The following CELSR1 variants were observed in gnomAD, a reference collection of about 807,000 sequenced individuals.
CELSR1 encodes cadherin EGF LAG seven-pass G-type receptor 1.
Under a neutral mutation model 249.1 loss-of-function variants are expected in CELSR1, and 110 were observed. The ratio of observed to expected loss-of-function variants is 0.44; its 90% CI spans 0.38 to 0.52. CELSR1 has a LOEUF of 0.52. Ranked by LOEUF, CELSR1 falls within the 20% of genes least tolerant of loss-of-function variation. CELSR1 has a pLI of 0.00. For missense variants in CELSR1, 4,109 were observed against 4,296.4 expected (o/e 0.96, Z 1.22); for synonymous variants, 2,113 against 1,900.0 (o/e 1.11, Z -2.92).
intron 1 of CELSR1, among the ~76,000 whole-genome samples, chr22:46,470,900 G>A (rs538523576): frequency 7.2e-5 from 11 of 152,122 alleles, no homozygotes; most frequent in Non-Finnish European, 1.5e-4. Context: ...CGAGGTGGGC[G>A]GATCACCAGA....
chr22:46,387,354 T>C (rs1389503320), intron 18 of CELSR1, among the ~76,000 whole-genome samples: 2 of 152,072 alleles, frequency 1.3e-5, no homozygotes, highest in Admixed American at 1.3e-4. Flanking sequence ...TGAATTCAAA[T>C]AGATAAGGAA....
chr22:46,427,120 C>T lies in CELSR1; in HGVS notation c.4611+6273G>A, dbSNP rs2147405846. ...GCATGTATATATGTACACACACACA[C>T]ACCTACACAGACGTCTATGTCCTAG... On this transcript the variant is annotated intron_variant, in intron 5 of 34. Coordinates refer to ENST00000674500, the MANE Select transcript of CELSR1 (RefSeq NM_001378328.1). The surrounding 1 kb of genome is among the most constrained non-coding windows in gnomAD (Gnocchi z 4.2). Among the ~76,000 whole-genome samples the T allele has an allele frequency of 6.6e-6, 1 of 152,276 alleles. No individual in the cohort carries two copies. The highest frequency in any genetic ancestry group is 1.9e-4 in the East Asian group (1 of 5,184).
chr22:46,448,419 G>T lies in CELSR1; in HGVS notation c.4184-9008C>A. The T allele has an allele frequency of 3.3e-6, 1 of 301,000 alleles. No homozygotes were observed. The highest frequency in any genetic ancestry group is 6.5e-6 in the Non-Finnish European group (1 of 154,250). 18.6% of individuals were successfully genotyped at this position (301,000 alleles called of 1,614,324 possible). ...CAGGGTCTCAGGGCTCACCTAGAGAGGGGGCACAGCAGGCAGAGAACCTCA... is the reference window on the plus strand; with the variant it reads ...CAGGGTCTCAGGGCTCACCTAGAGATGGGGCACAGCAGGCAGAGAACCTCA... On this transcript the variant is annotated intron_variant, in intron 2 of 34. Coordinates refer to ENST00000674500, the MANE Select transcript of CELSR1 (RefSeq NM_001378328.1). The surrounding 1 kb of genome is among the most constrained non-coding windows in gnomAD (Gnocchi z 5.7).
Position 46,448,098 on chromosome 22 carries a change from G to A in CELSR1, c.4184-8687C>T, listed in dbSNP as rs1176508365. On this transcript the variant is annotated intron_variant, in intron 2 of 34. Transcript: ENST00000674500. The surrounding 1 kb of genome is among the most constrained non-coding windows in gnomAD (Gnocchi z 5.7). ...AAAGCCATCAACCCTTGGCCTAAGG[G>A]GCTTCCAGAAAAGCCCTGGCTTCAC... 2.0e-5 allele frequency among the ~76,000 whole-genome samples: 3 copies of A among 152,206 alleles called. No homozygotes were observed. Among genetic ancestry groups the A allele is most frequent in the African/African-American group, 7.2e-5 (3 of 41,456 alleles).
At position 46,433,001 on chromosome 22, in the gene CELSR1, G is replaced by T. The variant is rs1274531452; in HGVS notation, c.4611+392C>A. On this transcript the variant is annotated intron_variant, in intron 5 of 34. Coordinates refer to ENST00000674500, the MANE Select transcript of CELSR1 (RefSeq NM_001378328.1). The surrounding 1 kb of genome is among the most constrained non-coding windows in gnomAD (Gnocchi z 5.7). ...AAAATTCAGAGCACAAATGTCTCAA[G>T]ACAGAAAATCTACCAGGGCACCTTT... 6.6e-6 allele frequency among the ~76,000 whole-genome samples: 1 copy of T among 151,634 alleles called. No homozygotes were observed. The highest frequency in any genetic ancestry group is 2.4e-5 in the African/African-American group (1 of 41,320).
rs375163957 is a variant in CELSR1, at chr22:46,477,946, C to T, written c.3545-13601G>A. ...TGCCAGCCCCCGGGAGGATGCTGGG[C>T]AGCACCCCTGGCCTCCACCCACTGG... is the stretch of plus-strand genomic sequence containing the variant. On this transcript the variant is annotated intron_variant, in intron 1 of 34. Transcript: ENST00000674500. Among the ~76,000 whole-genome samples the T allele has an allele frequency of 8.2e-4, 125 of 152,306 alleles. 1 individual carries two copies. The Middle Eastern group carries it at 0.01, about 12-fold the overall frequency.
chr22:46,465,612 G>A (rs1188371764), intron 1 of CELSR1, among the ~76,000 whole-genome samples: 1 of 152,236 alleles, frequency 6.6e-6, no homozygotes. Flanking sequence ...AGAGGAAACG[G>A]AACAAGAGCA....
rs2080821845 is a variant in CELSR1, at chr22:46,534,053, C to T, written c.3118G>A (p.Glu1040Lys). The T allele has an allele frequency of 1.2e-6, 2 of 1,613,668 alleles. No individual in the cohort carries two copies. The highest frequency in any genetic ancestry group is 2.7e-5 in the African/African-American group (2 of 74,950). The change falls in exon 1 of 35, where the codon GAA becomes AAA. Residue 1040 changes from glutamate (E) to lysine (K), a missense_variant. By Grantham distance (56) the Glu-to-Lys change is moderately conservative. This residue lies in a region of CELSR1 where 886 missense variants were observed against 896.5 expected (regional missense o/e 0.99). Coordinates refer to ENST00000674500, the MANE Select transcript of CELSR1 (RefSeq NM_001378328.1). The surrounding 1 kb of genome is among the most constrained non-coding windows in gnomAD (Gnocchi z 9.7). ...TGGAAGAAATGCCGCATGTCCCCTT[C>T]CACAATCTGATACATGATCTGGGCA... is the stretch of plus-strand genomic sequence containing the variant. ...PNAQIMYQIV[E>K]GDMRHFFQLD... is the part of the protein sequence containing the mutation.
At chr22:46,459,862 G>A (rs1028283998) in intron 2 of CELSR1, among the ~76,000 whole-genome samples, 2 of 152,100 alleles carry the variant, frequency 1.3e-5, no homozygotes, top group South Asian at 2.1e-4. Flanking sequence ...GAGAAAATAC[G>A]TGTAGAATCA....
At position 46,527,213 on chromosome 22, in the gene CELSR1, G is replaced by A. The variant is rs1023087458; in HGVS notation, c.3544+6414C>T. ...CCTGGGAGGGTTCCCGGCACATGGAGCACATCGGCTGAGATGTGTCTGACC... is the reference window on the plus strand; with the variant it reads ...CCTGGGAGGGTTCCCGGCACATGGAACACATCGGCTGAGATGTGTCTGACC... On this transcript the variant is annotated intron_variant, in intron 1 of 34. Transcript: ENST00000674500. This position sits in a 1 kb window ranked among gnomAD's most constrained non-coding sequence, Gnocchi z 5.5. Among the ~76,000 whole-genome samples the A allele has an allele frequency of 6.6e-6, 1 of 152,164 alleles. No homozygotes were observed. The highest frequency in any genetic ancestry group is 1.9e-4 in the East Asian group (1 of 5,184).
chr22:46,398,773 C>T lies in CELSR1; in HGVS notation c.5413-136G>A, dbSNP rs1209936073. 5 of 639,264 alleles carry T rather than the reference C, an allele frequency of 7.8e-6. No homozygotes were observed. The highest frequency in any genetic ancestry group is 1.9e-5 in the African/African-American group (1 of 53,474). 39.6% of individuals were successfully genotyped at this position (639,264 alleles called of 1,614,324 possible). On this transcript the variant is annotated intron_variant, in intron 10 of 34. Transcript: ENST00000674500. This position sits in a 1 kb window ranked among gnomAD's most constrained non-coding sequence, Gnocchi z 7.2. ...GCAGAGCCTGAGGACATCTGGGCCT[C>T]CAAAGAGAGAGCTGGGCCCAGCTGG...
At chr22:46,388,673 A>G (rs1602062474) in intron 18 of CELSR1, among the ~76,000 whole-genome samples, 2 of 152,232 alleles carry the variant, frequency 1.3e-5, no homozygotes, top group Admixed American at 6.5e-5. Context: ...CAGAGCCACA[A>G]CGAAACTTCT....
At chr22:46,373,564 C>T (rs1414168737) in intron 24 of CELSR1, among the ~76,000 whole-genome samples, 4 of 150,804 alleles carry the variant, frequency 2.7e-5, no homozygotes, top group South Asian at 2.1e-4. Flanking sequence ...CTGCCCCAGC[C>T]AGTGCTCCCA....
At chr22:46,521,877 G>A (rs139795777) in intron 1 of CELSR1, among the ~76,000 whole-genome samples, 3 of 152,332 alleles carry the variant, frequency 2.0e-5, no homozygotes, top group African/African-American at 7.2e-5. Context: ...AAGCGGGATT[G>A]CTGGATCATA....
intron 14 of CELSR1, among the ~76,000 whole-genome samples, chr22:46,392,824 G>C (rs1483088125): frequency 6.6e-6 from 1 of 152,176 alleles, no homozygotes; most frequent in Non-Finnish European, 1.5e-5. Context: ...CTCCAGAGTA[G>C]CTGTGATTAC....
At position 46,391,456 on chromosome 22, in the gene CELSR1, C is replaced by A. The variant is rs540633579; in HGVS notation, c.6149-169G>T. 6.6e-6 allele frequency among the ~76,000 whole-genome samples: 1 copy of A among 152,128 alleles called. No individual in the cohort carries two copies. The highest frequency in any genetic ancestry group is 2.4e-5 in the African/African-American group (1 of 41,520). On this transcript the variant is annotated intron_variant, in intron 15 of 34. Transcript: ENST00000674500. The surrounding 1 kb of genome is among the most constrained non-coding windows in gnomAD (Gnocchi z 4.3). ...CATGTCAGAGCTGGAGAGGGGTGAC[C>A]AGGCTCTGACCCACACCCCCTCACG...
chr22:46,523,172 C>T (rs983231246), intron 1 of CELSR1, among the ~76,000 whole-genome samples: 3 of 152,104 alleles, frequency 2.0e-5, no homozygotes, highest in Non-Finnish European at 4.4e-5. Flanking sequence ...TAGATATGAA[C>T]AAAAATCCTA....
chr22:46,378,708 C>T lies in CELSR1; in HGVS notation c.7266G>A (p.Gly2422=). 6.2e-7 allele frequency: 1 copy of T among 1,612,486 alleles called. No individual in the cohort carries two copies. Among genetic ancestry groups the T allele is most frequent in the Non-Finnish European group, 8.5e-7 (1 of 1,179,650 alleles). Residue 2422 remains glycine, a synonymous_variant, in exon 23 of 35, where the codon GGG becomes GGA. Coordinates refer to ENST00000674500, the MANE Select transcript of CELSR1 (RefSeq NM_001378328.1). ...AGCCCCGGGCAGACCACCCTCCCGTCCCACCAACGCTGCGGAGAGGACAGA... is the reference window on the plus strand; with the variant it reads ...AGCCCCGGGCAGACCACCCTCCCGTTCCACCAACGCTGCGGAGAGGACAGA... The part of the protein sequence containing the change: ...VFWNHSLAVG[G]TGGWSARGCE...
At position 46,393,669 on chromosome 22, in the gene CELSR1, C is replaced by T. The variant is rs1373285633; in HGVS notation, c.5964+473G>A. Among the ~76,000 whole-genome samples, 4 of 149,986 alleles carry T rather than the reference C, an allele frequency of 2.7e-5. No homozygotes were observed. In the East Asian group the frequency reaches 6.0e-4, roughly 22 times the overall value. ...AGAAGAATTGCTGGAACCCGGGAGGCGGAGGCTGCAGTGAGCCGAGATCGC... is the reference window on the plus strand; with the variant it reads ...AGAAGAATTGCTGGAACCCGGGAGGTGGAGGCTGCAGTGAGCCGAGATCGC... On this transcript the variant is annotated intron_variant, in intron 14 of 34. Transcript: ENST00000674500. The surrounding 1 kb of genome is among the most constrained non-coding windows in gnomAD (Gnocchi z 4.1).
Sources: allele counts gnomAD v4.1 joint callset (sites outside exome capture counted in the v4.1 genomes callset), GRCh38; gene constraint gnomAD v4.1.1; regional missense constraint gnomAD v4.1.1; non-coding constraint Gnocchi (gnomAD v3.1); transcripts MANE v1.5; gene names NCBI Gene and HGNC (gene_info 2026-07-23, HGNC 2026-07-21).